Variants in RALYL observed in about 807,000 individuals in gnomAD.
RALYL encodes the protein RALY RNA binding protein like, also known as RNA-binding Raly-like protein.
RALYL carries 29 observed loss-of-function variants against 35.1 expected under a neutral mutation model. That is an observed-to-expected ratio of 0.83 (90% CI 0.61 to 1.13). RALYL has a LOEUF of 1.13. Among genes scored for constraint, RALYL ranks in the 50% most tolerant of loss-of-function variants. The probability of loss-of-function intolerance (pLI) is 0.00; values close to 1 mark genes in which losing one functional copy is unlikely to be tolerated. For missense variants in RALYL, 359 were observed against 360.4 expected (o/e 1.00, Z 0.03); for synonymous variants, 120 against 127.6 (o/e 0.94, Z 0.40).
chr8:84,595,766 T>TG (rs1814370741), intron 2 of RALYL, among the ~76,000 whole-genome samples: 1 of 140,118 alleles, frequency 7.1e-6, no homozygotes, highest in African/African-American at 3.1e-5. Flanking sequence ...ACCATAAGTT[T>TG]TTTTTTTTTT....
intron 2 of RALYL, among the ~76,000 whole-genome samples, chr8:84,722,614 ATT>A (rs1491315137): frequency 0.036 from 2,487 of 69,256 alleles, 69 homozygotes; most frequent in African/African-American, 0.066. Context: ...TCCTAGAGTG[ATT>A]TTATATATAT....
intron 1 of RALYL, among the ~76,000 whole-genome samples, chr8:84,236,642 C>T (rs1826622551): frequency 2.0e-5 from 3 of 152,166 alleles, no homozygotes; most frequent in Middle Eastern, 3.2e-3. Context: ...TTAAAGATTG[C>T]TCTGTGTGTG....
chr8:84,696,241 T>C (rs938373336), intron 2 of RALYL, among the ~76,000 whole-genome samples: 3 of 151,090 alleles, frequency 2.0e-5, no homozygotes, highest in Non-Finnish European at 4.4e-5. Flanking sequence ...AAATCCTAAA[T>C]GTTAAAATTT....
intron 3 of RALYL, among the ~76,000 whole-genome samples, chr8:84,778,829 T>C (rs1355134873): frequency 3.3e-5 from 5 of 152,150 alleles, no homozygotes; most frequent in Non-Finnish European, 7.4e-5. Flanking sequence ...TGTCCAGGGT[T>C]TTCTAGTTCA....
At chr8:84,649,934 C>G (rs1252864152) in intron 2 of RALYL, among the ~76,000 whole-genome samples, 68 of 151,974 alleles carry the variant, frequency 4.5e-4, no homozygotes, top group Middle Eastern at 3.4e-3. Flanking sequence ...TCTTCCATTT[C>G]TTTGTATCCT....
intron 1 of RALYL, among the ~76,000 whole-genome samples, chr8:84,226,181 G>A (rs1440651830): frequency 6.6e-6 from 1 of 152,140 alleles, no homozygotes; most frequent in Non-Finnish European, 1.5e-5. Context: ...AACTGTGCAT[G>A]CAACGGATCT....
chr8:84,495,255 G>T (rs2055873762), intron 1 of RALYL, among the ~76,000 whole-genome samples: 1 of 151,978 alleles, frequency 6.6e-6, no homozygotes, highest in African/African-American at 2.4e-5. Flanking sequence ...ATAATCACCT[G>T]GAAATTAGCA....
At chr8:84,630,531 C>G (rs535395673) in intron 2 of RALYL, among the ~76,000 whole-genome samples, 1 of 152,064 alleles carries the variant, frequency 6.6e-6, no homozygotes, top group East Asian at 1.9e-4. Context: ...GCAGTTTCTC[C>G]GCTGCTTCCA....
Position 84,796,551 on chromosome 8 carries a change from G to A in RALYL, c.333-8219G>A, listed in dbSNP as rs542411212. Among the ~76,000 whole-genome samples, 26 of 152,272 alleles carry A rather than the reference G, an allele frequency of 1.7e-4. 1 individual carries two copies. The South Asian group carries it at 5.4e-3, about 32-fold the overall frequency. ...AAATATTCTGTAAGAAGACACCTAA[G>A]AATCACTTACAAGTGCTTATCTTTG... On this transcript the variant is annotated intron_variant, in intron 3 of 8. Transcript: ENST00000521268.
intron 1 of RALYL, among the ~76,000 whole-genome samples, chr8:84,463,930 T>A (rs1293509105): frequency 6.6e-6 from 1 of 152,014 alleles, no homozygotes; most frequent in Non-Finnish European, 1.5e-5. Context: ...CTGGTCTGCT[T>A]TGTATCCCTA....
intron 8 of RALYL, among the ~76,000 whole-genome samples, chr8:84,914,187 A>C (rs1848054200): frequency 6.6e-6 from 1 of 152,042 alleles, no homozygotes. Flanking sequence ...GGAACTGTGG[A>C]AAGCAGTCAA....
At chr8:84,590,287 G>A (rs1049268646) in intron 2 of RALYL, among the ~76,000 whole-genome samples, 2 of 152,154 alleles carry the variant, frequency 1.3e-5, no homozygotes, top group African/African-American at 4.8e-5. Flanking sequence ...AAATATAATT[G>A]TAAAACTTAT....
chr8:84,503,787 C>G (rs1362372366), intron 1 of RALYL, among the ~76,000 whole-genome samples: 1 of 150,840 alleles, frequency 6.6e-6, no homozygotes, highest in Admixed American at 6.6e-5. Context: ...CCTGCTGAGG[C>G]AGGAGAATCG....
At chr8:84,568,883 C>T (rs1807162015) in intron 2 of RALYL, among the ~76,000 whole-genome samples, 1 of 151,866 alleles carries the variant, frequency 6.6e-6, no homozygotes, top group African/African-American at 2.4e-5. Flanking sequence ...CCTTTGCCCA[C>T]TTGTTGATGG....
At chr8:84,715,956 C>T (rs983191179) in intron 2 of RALYL, among the ~76,000 whole-genome samples, 1 of 152,060 alleles carries the variant, frequency 6.6e-6, no homozygotes, top group Non-Finnish European at 1.5e-5. Context: ...ATTATGTCCA[C>T]ATTTATTTCC....
chr8:84,710,704 G>T (rs1205908266), intron 2 of RALYL, among the ~76,000 whole-genome samples: 1 of 151,908 alleles, frequency 6.6e-6, no homozygotes, highest in African/African-American at 2.4e-5. Flanking sequence ...TTCATATAAG[G>T]TATTCTTTAT....
intron 2 of RALYL, among the ~76,000 whole-genome samples, chr8:84,649,520 C>A: frequency 6.6e-6 from 1 of 151,916 alleles, no homozygotes; most frequent in Admixed American, 6.6e-5. Context: ...TTTCCCAGCA[C>A]CATTTATTAA....
chr8:84,701,392 G>A (rs905789022), intron 2 of RALYL, among the ~76,000 whole-genome samples: 6 of 151,932 alleles, frequency 3.9e-5, no homozygotes, highest in African/African-American at 1.5e-4. Flanking sequence ...GCATCTTTTC[G>A]GTTTTAATAT....
intron 2 of RALYL, among the ~76,000 whole-genome samples, chr8:84,619,504 G>T (rs1378660802): frequency 6.8e-6 from 1 of 146,438 alleles, no homozygotes; most frequent in Non-Finnish European, 1.5e-5. Flanking sequence ...CGTGAGATGG[G>T]TTTCCTGAAT....
Sources: allele counts gnomAD v4.1 joint callset (sites outside exome capture counted in the v4.1 genomes callset), GRCh38; gene constraint gnomAD v4.1.1; transcripts MANE v1.5; gene names NCBI Gene and HGNC (gene_info 2026-07-23, HGNC 2026-07-21).